The following AAGAB variants were observed in gnomAD, a reference collection of about 807,000 sequenced individuals.
AAGAB encodes the protein alpha- and gamma-adaptin-binding protein p34.
Under a neutral mutation model 44.1 loss-of-function variants are expected in AAGAB, and 38 were observed. The ratio of observed to expected loss-of-function variants is 0.86; its 90% CI spans 0.67 to 1.13. The LOEUF is 1.13. Among genes scored for constraint, AAGAB ranks in the 50% most tolerant of loss-of-function variants. The probability of loss-of-function intolerance (pLI) is 0.00; values close to 1 mark genes in which losing one functional copy is unlikely to be tolerated. For synonymous variants in AAGAB, 131 were observed against 131.8 expected (o/e 0.99, Z 0.04); for missense variants, 450 against 373.8 (o/e 1.20, Z -1.68).
intron 5 of AAGAB, among the ~76,000 whole-genome samples, chr15:67,228,805 CAA>C (rs1439829835): frequency 6.6e-6 from 1 of 152,124 alleles, no homozygotes; most frequent in African/African-American, 2.4e-5. Flanking sequence ...TAAAAACGAA[CAA>C]AGTCATCTCC....
At chr15:67,247,584 A>G (rs1054727867) in intron 1 of AAGAB, among the ~76,000 whole-genome samples, 2 of 152,136 alleles carry the variant, frequency 1.3e-5, no homozygotes, top group African/African-American at 4.8e-5. Flanking sequence ...ATACTTTTCC[A>G]CTGGTATTTC....
intron 5 of AAGAB, among the ~76,000 whole-genome samples, chr15:67,212,794 G>A (rs573419526): frequency 6.6e-6 from 1 of 152,232 alleles, no homozygotes; most frequent in East Asian, 1.9e-4. Flanking sequence ...AAAAAATTCT[G>A]TTCTGCCTGG....
chr15:67,207,275 T>C, intron 7 of AAGAB, among the ~76,000 whole-genome samples: 1 of 152,126 alleles, frequency 6.6e-6, no homozygotes. Context: ...ACTGCTATGG[T>C]GGTATTGTTG....
chr15:67,234,361 G>A (rs1413503977), intron 4 of AAGAB, among the ~76,000 whole-genome samples: 1 of 152,168 alleles, frequency 6.6e-6, no homozygotes, highest in East Asian at 1.9e-4. Flanking sequence ...TATCTTAATT[G>A]TGAATGACTT....
At chr15:67,238,985 A>G (rs28645602) in intron 1 of AAGAB, among the ~76,000 whole-genome samples, 32,914 of 152,190 alleles carry the variant, frequency 0.22, 4,229 homozygotes, top group East Asian at 0.48. Context: ...ATGAGCCACC[A>G]TGCCCACCCA....
chr15:67,254,407 C>T lies in AAGAB; in HGVS notation c.73+152G>A, dbSNP rs1407383248. ...AAAGCACGAGATTAAGAGATAGGGGCAGCCACCTGGGGAGACTGGGCGCCT... is the reference window on the plus strand; with the variant it reads ...AAAGCACGAGATTAAGAGATAGGGGTAGCCACCTGGGGAGACTGGGCGCCT... On this transcript the variant is annotated intron_variant, in intron 1 of 9. Coordinates refer to ENST00000261880, the MANE Select transcript of AAGAB (RefSeq NM_024666.5). 2.1e-6 allele frequency: 3 copies of T among 1,427,802 alleles called. No homozygotes were observed. The African/African-American group carries it at 4.3e-5, about 21-fold the overall frequency. The allele number at this position is 1,427,802 out of a possible 1,614,324, so 88.4% of individuals were successfully genotyped here. A position where few individuals can be genotyped will look rare whatever the true frequency, so the allele number is the denominator to read the frequency against.
At chr15:67,207,137 C>T (rs1963703385) in intron 7 of AAGAB, among the ~76,000 whole-genome samples, 1 of 152,128 alleles carries the variant, frequency 6.6e-6, no homozygotes, top group African/African-American at 2.4e-5. Context: ...TGCGGTGAGC[C>T]GAGATCGTGC....
At chr15:67,205,818 TAAG>T (rs1308032125) in intron 7 of AAGAB, among the ~76,000 whole-genome samples, 3 of 152,082 alleles carry the variant, frequency 2.0e-5, no homozygotes, top group Non-Finnish European at 4.4e-5. Context: ...AGTAAAGAGA[TAAG>T]GAGGAAGATG....
chr15:67,254,897 A>G (rs752166368), upstream of AAGAB: 5 of 1,613,642 alleles, frequency 3.1e-6, no homozygotes, highest in African/African-American at 5.3e-5. Context: ...TGACCTAGCC[A>G]TGGCACAGAA....
intron 5 of AAGAB, among the ~76,000 whole-genome samples, chr15:67,213,108 G>A (rs1405627673): frequency 6.6e-6 from 1 of 152,190 alleles, no homozygotes; most frequent in African/African-American, 2.4e-5. Context: ...GTTAAGTGAT[G>A]TAAAATAAAT....
intron 5 of AAGAB, among the ~76,000 whole-genome samples, chr15:67,214,504 C>A (rs1170452571): frequency 6.6e-6 from 1 of 152,162 alleles, no homozygotes; most frequent in East Asian, 1.9e-4. Context: ...CCTGTGCATC[C>A]CCTGCCTCTA....
chr15:67,252,140 T>C (rs1225075152), intron 1 of AAGAB, among the ~76,000 whole-genome samples: 5 of 152,226 alleles, frequency 3.3e-5, no homozygotes, highest in Non-Finnish European at 7.3e-5. Flanking sequence ...TAATACACTT[T>C]ACAGAAGTAC....
chr15:67,213,532 G>A lies in AAGAB; in HGVS notation c.536-3988C>T, dbSNP rs877176. ...CAAAGAGGGAAATTTCAGTATGGGG[G>A]AAGGGGAAAAGTTGCTTTTTAAAAA... On this transcript the variant is annotated intron_variant, in intron 5 of 9. Transcript: ENST00000261880. 7.6e-3 allele frequency among the ~76,000 whole-genome samples: 1,161 copies of A among 152,250 alleles called. 8 individuals carry two copies. The highest frequency in any genetic ancestry group is 0.01 in the Non-Finnish European group (700 of 67,996).
At chr15:67,234,449 C>T (rs1441996458) in intron 4 of AAGAB, among the ~76,000 whole-genome samples, 1 of 151,858 alleles carries the variant, frequency 6.6e-6, no homozygotes, top group African/African-American at 2.4e-5. Context: ...AGAGCTAGTA[C>T]CAGTAAGAGG....
rs137936352 is a variant in AAGAB at position 67,240,138 on chromosome 15, A to G, written c.74-3318T>C. Reference sequence around the variant, plus strand: ...CTCTGCCCTTTTAGGAACACCAAAAATAATAGCCAGAATAGGGGCACAATT... The same window carrying G: ...CTCTGCCCTTTTAGGAACACCAAAAGTAATAGCCAGAATAGGGGCACAATT... On this transcript the variant is annotated intron_variant, in intron 1 of 9. Coordinates refer to ENST00000261880, the MANE Select transcript of AAGAB (RefSeq NM_024666.5). Among the ~76,000 whole-genome samples the G allele has an allele frequency of 5.0e-4, 76 of 152,358 alleles. 1 individual carries two copies. The East Asian group carries it at 0.014, about 29-fold the overall frequency.
upstream of AAGAB, chr15:67,254,944 C>A: frequency 6.2e-7 from 1 of 1,613,494 alleles, no homozygotes; most frequent in African/African-American, 1.3e-5. Flanking sequence ...CCATCTTAAT[C>A]CAGGTGGGAA....
intron 1 of AAGAB, among the ~76,000 whole-genome samples, chr15:67,239,822 G>A (rs750893295): frequency 2.6e-5 from 4 of 152,096 alleles, no homozygotes; most frequent in Non-Finnish European, 5.9e-5. Flanking sequence ...ATTTTCAAAT[G>A]CTTAACAAGT....
rs760315068 is a variant in AAGAB, at chr15:67,236,473, A to C, written c.296T>G (p.Leu99Arg). 2.0e-5 allele frequency: 33 copies of C among 1,614,028 alleles called. No individual in the cohort carries two copies. Among genetic ancestry groups the C allele is most frequent in the Admixed American group, 6.7e-5 (4 of 60,012 alleles). Residue 99 changes from leucine (L) to arginine (R), a missense_variant, in exon 3 of 10, where the codon CTT becomes CGT. Transcript: ENST00000261880. ...KSGLDSVSSW[L>R]PLAKAWLPEV... The stretch of plus-strand genomic sequence containing the variant: ...AGGTAACCATGCTTTTGCCAGTGGA[A>C]GCCATGAGGAGACACTATCAAGGCC...
intron 5 of AAGAB, among the ~76,000 whole-genome samples, chr15:67,221,539 A>G (rs573531218): frequency 1.1e-4 from 17 of 152,228 alleles, no homozygotes; most frequent in Non-Finnish European, 2.1e-4. Context: ...GACTAGCTCA[A>G]AAGTTCCTAA....
Sources: allele counts gnomAD v4.1 joint callset (sites outside exome capture counted in the v4.1 genomes callset), GRCh38; gene constraint gnomAD v4.1.1; transcripts MANE v1.5; gene names NCBI Gene and HGNC (gene_info 2026-07-23, HGNC 2026-07-21).